IGSF5: variants seen among roughly 807,000 people sequenced by gnomAD.
The protein encoded by IGSF5 is immunoglobulin superfamily 5 like.
Under a neutral mutation model 39.4 loss-of-function variants are expected in IGSF5, and 41 were observed. That is an observed-to-expected ratio of 1.04 (90% confidence interval 0.81 to 1.35). The LOEUF (loss-of-function observed/expected upper bound fraction) is 1.35. Ranked by LOEUF, IGSF5 falls within the 40% of genes most tolerant of loss-of-function variation. The probability of loss-of-function intolerance (pLI) is 0.00; values close to 1 mark genes in which losing one functional copy is unlikely to be tolerated. For missense variants in IGSF5, 487 were observed against 494.6 expected (o/e 0.98, Z 0.15); for synonymous variants, 183 against 175.3 (o/e 1.04, Z -0.34).
chr21:39,777,780 T>A (rs2080148465), intron 4 of IGSF5, among the ~76,000 whole-genome samples: 1 of 152,192 alleles, frequency 6.6e-6, no homozygotes, highest in Non-Finnish European at 1.5e-5. Flanking sequence ...TAGACTTCTA[T>A]TCTCCATGCA....
chr21:39,775,817 C>T (rs1417488432), intron 4 of IGSF5, among the ~76,000 whole-genome samples: 2 of 152,186 alleles, frequency 1.3e-5, no homozygotes, highest in South Asian at 4.1e-4. Flanking sequence ...GTACAAGGCA[C>T]AGACCAGCAC....
rs756586858 is a variant in IGSF5 at position 39,801,229 on chromosome 21, A to G, written c.1129-33A>G. 4 of 1,544,322 alleles carry G rather than the reference A, an allele frequency of 2.6e-6. No homozygotes were observed. The South Asian group carries it at 3.4e-5, about 13-fold the overall frequency. ...TTGCATTTTACAGTGATCTCAACCC[A>G]TTAAATTGACTTTTTTCCTCCTCTG... On this transcript the variant is annotated intron_variant, in intron 8 of 8. Coordinates refer to ENST00000380588, the MANE Select transcript of IGSF5 (RefSeq NM_001080444.2).
At chr21:39,717,712 G>A in the IGSF5 span, among the ~76,000 whole-genome samples, 1 of 152,092 alleles carries the variant, frequency 6.6e-6, no homozygotes, top group Non-Finnish European at 1.5e-5. Context: ...GCCTGTTTTT[G>A]TACCAGTACC....
chr21:39,758,632 C>T (rs1380547906), intron 2 of IGSF5, among the ~76,000 whole-genome samples: 2 of 152,204 alleles, frequency 1.3e-5, no homozygotes, highest in African/African-American at 4.8e-5. Flanking sequence ...CCAACGGTGT[C>T]AGCTGGAGTG....
At position 39,801,278 on chromosome 21, in the gene IGSF5, C is replaced by T. The variant is rs1473845927; in HGVS notation, c.1145C>T (p.Pro382Leu). 1 of 1,614,052 alleles carries T rather than the reference C, an allele frequency of 6.2e-7. No homozygotes were observed. Among genetic ancestry groups the T allele is most frequent in the Non-Finnish European group, 8.5e-7 (1 of 1,179,958 alleles). Reference protein sequence around the residue: ...GPPHQRADQRPPRPASHPQAS... With the variant: ...GPPHQRADQRLPRPASHPQAS... ...TGTTGCCAGCGGGCTGATCAACGTC[C>T]ACCCAGGCCAGCAAGTCATCCACAG... The change falls in exon 9 of 9, where the codon CCA (proline) becomes CTA (leucine). Residue 382 changes from proline (P) to leucine (L), a missense_variant. Coordinates refer to ENST00000380588, the MANE Select transcript of IGSF5 (RefSeq NM_001080444.2).
chr21:39,800,305 C>A (rs1388068446), intron 8 of IGSF5, among the ~76,000 whole-genome samples: 1 of 152,112 alleles, frequency 6.6e-6, no homozygotes, highest in Non-Finnish European at 1.5e-5. Context: ...AGAAGATGGG[C>A]ATATAAACAA....
intron 4 of IGSF5, among the ~76,000 whole-genome samples, chr21:39,777,234 G>A (rs1260733902): frequency 6.6e-6 from 1 of 152,184 alleles, no homozygotes; most frequent in Non-Finnish European, 1.5e-5. Flanking sequence ...TATCACATCT[G>A]TGGGAGGGGG....
At chr21:39,748,701 G>A (rs938725208) in intron 2 of IGSF5, among the ~76,000 whole-genome samples, 5 of 152,098 alleles carry the variant, frequency 3.3e-5, no homozygotes, top group Non-Finnish European at 7.4e-5. Context: ...GCAATTTCGG[G>A]GGAACACAAT....
rs535386729 is a variant in IGSF5 at position 39,801,610 on chromosome 21, A to G, written c.*253A>G. The G allele has an allele frequency of 1.7e-4, 60 of 349,316 alleles. No individual in the cohort carries two copies. Among genetic ancestry groups the G allele is most frequent in the Admixed American group, 1.1e-3 (27 of 23,512 alleles). 21.6% of individuals were successfully genotyped at this position (349,316 alleles called of 1,614,324 possible). On this transcript the variant is annotated 3_prime_UTR_variant, in exon 9 of 9. Coordinates refer to ENST00000380588, the MANE Select transcript of IGSF5 (RefSeq NM_001080444.2). ...ATGAAGTTACTAAGTAAAAGCTGCAAATTCATCATAATTTTTCTCAACATT... is the reference window on the plus strand; with the variant it reads ...ATGAAGTTACTAAGTAAAAGCTGCAGATTCATCATAATTTTTCTCAACATT...
chr21:39,773,902 G>C (rs950490460), intron 4 of IGSF5, among the ~76,000 whole-genome samples: 1 of 152,226 alleles, frequency 6.6e-6, no homozygotes, highest in East Asian at 1.9e-4. Context: ...TGGTACCTTA[G>C]AGAGATAGAT....
At chr21:39,717,327 G>T in the IGSF5 span, among the ~76,000 whole-genome samples, 1 of 152,118 alleles carries the variant, frequency 6.6e-6, no homozygotes, top group African/African-American at 2.4e-5. Flanking sequence ...CTTTTGCTGT[G>T]CAGAAGGTCT....
At chr21:39,760,546 GGA>G (rs924707265) in intron 2 of IGSF5, among the ~76,000 whole-genome samples, 11 of 151,296 alleles carry the variant, frequency 7.3e-5, no homozygotes, top group African/African-American at 2.7e-4. Flanking sequence ...AATTGTAGCT[GGA>G]GAGAGAGTTG....
chr21:39,724,362 G>A, the IGSF5 span, among the ~76,000 whole-genome samples: 66 of 152,250 alleles, frequency 4.3e-4, no homozygotes, highest in Middle Eastern at 3.4e-3. Flanking sequence ...CTTATAGCTC[G>A]GTGATATGGT....
the IGSF5 span, among the ~76,000 whole-genome samples, chr21:39,737,287 A>T: frequency 6.6e-6 from 1 of 151,754 alleles, no homozygotes; most frequent in Non-Finnish European, 1.5e-5. Context: ...GTTCTCCAAC[A>T]CAAATTGGCA....
chr21:39,717,982 T>G, the IGSF5 span, among the ~76,000 whole-genome samples: 1 of 152,218 alleles, frequency 6.6e-6, no homozygotes, highest in Non-Finnish European at 1.5e-5. Flanking sequence ...GCATGCAGTG[T>G]TTTTCCATTT....
At chr21:39,741,484 CCTTGTAGCCA>C (rs2079948636), upstream of IGSF5, among the ~76,000 whole-genome samples, 1 of 152,184 alleles carries the variant, frequency 6.6e-6, no homozygotes, top group South Asian at 2.1e-4. Flanking sequence ...GGTTTGGAAA[CCTTGTAGCCA>C]CAGGTAGTGA....
chr21:39,714,400 T>C, the IGSF5 span, among the ~76,000 whole-genome samples: 2 of 152,174 alleles, frequency 1.3e-5, no homozygotes, highest in Non-Finnish European at 2.9e-5. Flanking sequence ...CAAACATAAG[T>C]TTTTGCTTGG....
At chr21:39,781,611 G>A (rs961471641) in intron 5 of IGSF5, among the ~76,000 whole-genome samples, 1 of 152,108 alleles carries the variant, frequency 6.6e-6, no homozygotes, top group Non-Finnish European at 1.5e-5. Context: ...GAGAGTTCCC[G>A]TTTCCCCACA....
At chr21:39,717,699 T>C in the IGSF5 span, among the ~76,000 whole-genome samples, 3 of 152,232 alleles carry the variant, frequency 2.0e-5, no homozygotes, top group Non-Finnish European at 4.4e-5. Context: ...CATTGGTCTA[T>C]ATGCCTGTTT....
Sources: gnomAD v4.1 joint callset for allele counts (sites outside exome capture counted in the v4.1 genomes callset) on GRCh38, gnomAD v4.1.1 for gene constraint, MANE v1.5 for transcripts, NCBI Gene and HGNC (gene_info 2026-07-23, HGNC 2026-07-21) for gene names.